The following DLC1 variants were observed in gnomAD, a reference collection of about 807,000 sequenced individuals.
The protein encoded by DLC1 is rho GTPase-activating protein 7.
In DLC1, 54 loss-of-function variants were observed where a neutral mutation model predicts 140.3. The ratio of observed to expected loss-of-function variants is 0.38; its 90% CI spans 0.31 to 0.48. The LOEUF is 0.48. Among genes scored for constraint, DLC1 ranks in the 20% least tolerant of loss-of-function variants. The pLI is 0.96. For synonymous variants in DLC1, 986 were observed against 728.1 expected, an observed-to-expected ratio of 1.35 and a Z score of -5.70; for missense variants, 2,536 against 1,907.0, an observed-to-expected ratio of 1.33 and a Z score of -6.14.
intron 3 of DLC1, among the ~76,000 whole-genome samples, chr8:13,400,196 C>T (rs541023080): frequency 1.3e-5 from 2 of 152,266 alleles, no homozygotes; most frequent in East Asian, 3.9e-4. Flanking sequence ...TTATTCATCT[C>T]TAGCTCAAGG....
chr8:13,479,404 A>G (rs1005759042), intron 2 of DLC1, among the ~76,000 whole-genome samples: 1 of 152,220 alleles, frequency 6.6e-6, no homozygotes, highest in Non-Finnish European at 1.5e-5. Context: ...GTTAAGAGAC[A>G]TAGATACAAG....
intron 2 of DLC1, among the ~76,000 whole-genome samples, chr8:13,434,590 A>G (rs1159359095): frequency 2.0e-5 from 3 of 152,180 alleles, no homozygotes; most frequent in Non-Finnish European, 4.4e-5. Flanking sequence ...GGTGACTTAC[A>G]AGGAAATTCA....
chr8:13,430,570 T>A (rs1838819566), intron 2 of DLC1, among the ~76,000 whole-genome samples: 1 of 152,200 alleles, frequency 6.6e-6, no homozygotes, highest in Non-Finnish European at 1.5e-5. Context: ...TCTTCCTTTT[T>A]TCTGCAGTAC....
chr8:13,114,385 A>G (rs938151481), intron 6 of DLC1, among the ~76,000 whole-genome samples: 2 of 152,148 alleles, frequency 1.3e-5, no homozygotes, highest in African/African-American at 4.8e-5. Context: ...AAATAAATGA[A>G]CAGCCTATTT....
intron 5 of DLC1, among the ~76,000 whole-genome samples, chr8:13,298,647 A>C (rs1832057917): frequency 6.6e-6 from 1 of 152,216 alleles, no homozygotes; most frequent in Non-Finnish European, 1.5e-5. Flanking sequence ...GCACAGAATA[A>C]GCTCTAAGAT....
At position 13,522,944 on chromosome 8, in the gene DLC1, C is replaced by A. The variant is rs183148485; in HGVS notation, c.-125-22748G>T. The stretch of plus-strand genomic sequence containing the variant: ...CAGTCCTAAGGAAGCGTGTGCCTGG[C>A]AGTTTCCAGAAATAGCAAGGAATTA... On this transcript the variant is annotated intron_variant, in intron 1 of 1. Transcript: ENST00000631382. Among the ~76,000 whole-genome samples the A allele has an allele frequency of 6.6e-5, 10 of 152,052 alleles. No homozygotes were observed. The East Asian group carries it at 1.7e-3, about 27-fold the overall frequency.
intron 3 of DLC1, among the ~76,000 whole-genome samples, chr8:13,396,999 C>T (rs553365315): frequency 3.6e-4 from 54 of 150,724 alleles, no homozygotes; most frequent in African/African-American, 1.1e-3. Flanking sequence ...TCCTGCAAGA[C>T]TCCATCTATC....
intron 5 of DLC1, among the ~76,000 whole-genome samples, chr8:13,134,872 G>T (rs984399493): frequency 6.6e-6 from 1 of 152,180 alleles, no homozygotes; most frequent in African/African-American, 2.4e-5. Context: ...GCTCTAAAGG[G>T]TATGGGACTC....
At chr8:13,307,408 C>T (rs993320339) in intron 4 of DLC1, among the ~76,000 whole-genome samples, 1 of 152,158 alleles carries the variant, frequency 6.6e-6, no homozygotes, top group Non-Finnish European at 1.5e-5. Flanking sequence ...TAGAGGAAAG[C>T]AATTTCCTTC....
chr8:13,215,732 T>G (rs1349566867), intron 5 of DLC1, among the ~76,000 whole-genome samples: 2 of 152,222 alleles, frequency 1.3e-5, no homozygotes, highest in East Asian at 1.9e-4. Flanking sequence ...TAATCCATAT[T>G]TTCTTAAGAT....
intron 2 of DLC1, among the ~76,000 whole-genome samples, chr8:13,411,805 G>C (rs1303056956): frequency 1.3e-5 from 2 of 151,960 alleles, no homozygotes; most frequent in African/African-American, 4.8e-5. Flanking sequence ...AATAAATTTT[G>C]ATTTATCTGT....
intron 4 of DLC1, among the ~76,000 whole-genome samples, chr8:13,307,248 T>C (rs1832482606): frequency 6.6e-6 from 1 of 152,160 alleles, no homozygotes; most frequent in African/African-American, 2.4e-5. Flanking sequence ...GATGCAGACG[T>C]ATAGATTAAA....
At chr8:13,168,720 G>T (rs1034906984) in intron 5 of DLC1, among the ~76,000 whole-genome samples, 2 of 152,316 alleles carry the variant, frequency 1.3e-5, no homozygotes, top group Middle Eastern at 3.4e-3. Context: ...TGCATTTGCT[G>T]TTTAAAATTC....
chr8:13,557,389 A>G (rs984671327), intron 1 of DLC1, among the ~76,000 whole-genome samples: 2 of 152,108 alleles, frequency 1.3e-5, no homozygotes, highest in African/African-American at 4.8e-5. Flanking sequence ...GAGTGGAAGA[A>G]AGGAAGTAAA....
chr8:13,571,003 C>T (rs1457883465), intron 1 of DLC1, among the ~76,000 whole-genome samples: 1 of 152,140 alleles, frequency 6.6e-6, no homozygotes, highest in African/African-American at 2.4e-5. Context: ...AGGGAGTGGA[C>T]ATTTACCCAC....
At chr8:13,414,515 C>T (rs1046298021) in intron 2 of DLC1, among the ~76,000 whole-genome samples, 1 of 152,156 alleles carries the variant, frequency 6.6e-6, no homozygotes, top group African/African-American at 2.4e-5. Flanking sequence ...ATAGATTGCA[C>T]AAATTCCTGA....
chr8:13,214,483 G>A (rs1475597434), intron 5 of DLC1: 3 of 657,978 alleles, frequency 4.6e-6, no homozygotes, highest in African/African-American at 3.6e-5. Flanking sequence ...GGTATCTCAG[G>A]TTTCTCTTAT....
chr8:13,198,607 T>G (rs1485422749), intron 5 of DLC1, among the ~76,000 whole-genome samples: 1 of 152,230 alleles, frequency 6.6e-6, no homozygotes, highest in African/African-American at 2.4e-5. Context: ...AGGTTTATCA[T>G]TCTTCAAAAT....
chr8:13,167,588 C>T (rs777936144), intron 5 of DLC1, among the ~76,000 whole-genome samples: 8 of 152,144 alleles, frequency 5.3e-5, no homozygotes, highest in South Asian at 2.1e-4. Flanking sequence ...GTACAGATCC[C>T]GGAAAGAGCA....
Sources: allele counts gnomAD v4.1 joint callset (sites outside exome capture counted in the v4.1 genomes callset), GRCh38; gene constraint gnomAD v4.1.1; transcripts MANE v1.5; gene names NCBI Gene and HGNC (gene_info 2026-07-23, HGNC 2026-07-21).